The following SCD variants were observed in gnomAD, a reference collection of about 807,000 sequenced individuals.
SCD encodes the protein acyl-CoA desaturase.
In SCD, 4 loss-of-function variants were observed where a neutral mutation model predicts 35.7. That is an observed-to-expected ratio of 0.11 (90% CI 0.06 to 0.26). SCD has a LOEUF of 0.26. Among genes scored for constraint, SCD ranks in the 10% least tolerant of loss-of-function variants. SCD has a pLI of 1.00. For missense variants in SCD, 282 were observed against 460.7 expected, an observed-to-expected ratio of 0.61 and a Z score of 3.55; for synonymous variants, 150 against 170.2, an observed-to-expected ratio of 0.88 and a Z score of 0.92.
intron 4 of SCD, among the ~76,000 whole-genome samples, chr10:100,355,260 G>T (rs1589699203): frequency 2.6e-5 from 4 of 152,278 alleles, no homozygotes. Flanking sequence ...GGTACAAAGG[G>T]GAGGGAGATT....
At chr10:100,353,652 GTC>G in intron 3 of SCD, among the ~76,000 whole-genome samples, 1 of 151,980 alleles carries the variant, frequency 6.6e-6, no homozygotes, top group South Asian at 2.1e-4. Context: ...ATGCATCATA[GTC>G]ATTAAGCTGT....
rs1206277981 is a variant in SCD at position 100,363,235 on chromosome 10, C to G, written c.*2302C>G. On this transcript the variant is annotated 3_prime_UTR_variant, in exon 6 of 6. Transcript: ENST00000370355. ...ATAGAAGTCTGGAAAAAAACAAAAA[C>G]AGAATTTGAGAACCTTGGACCACTC... The G allele has an allele frequency of 6.6e-6, 1 of 152,304 alleles. No homozygotes were observed. The highest frequency in any genetic ancestry group is 1.5e-5 in the Non-Finnish European group (1 of 68,140). The allele number at this position is 152,304 out of a possible 1,614,324, so 9.4% of individuals were successfully genotyped here.
At position 100,364,391 on chromosome 10, in the gene SCD, T is replaced by G. The variant is rs1850020166; in HGVS notation, c.*3458T>G. The G allele has an allele frequency of 6.6e-6, 1 of 152,650 alleles. No individual in the cohort carries two copies. Among genetic ancestry groups the G allele is most frequent in the South Asian group, 2.1e-4 (1 of 4,832 alleles). The allele number at this position is 152,650 out of a possible 1,614,324, so 9.5% of individuals were successfully genotyped here. A position where few individuals can be genotyped will look rare whatever the true frequency, so the allele number is the denominator to read the frequency against. ...TCTGTTAAAATGGGGATAATAATACTGACCTACCTCAAAGGGCAGTTTTGA... is the reference window on the plus strand; with the variant it reads ...TCTGTTAAAATGGGGATAATAATACGGACCTACCTCAAAGGGCAGTTTTGA... On this transcript the variant is annotated 3_prime_UTR_variant, in exon 6 of 6. Transcript: ENST00000370355.
At chr10:100,354,244 T>C (rs1849902572) in intron 3 of SCD, among the ~76,000 whole-genome samples, 183 bp from the exon 4 acceptor site, 1 of 152,266 alleles carries the variant, frequency 6.6e-6, no homozygotes, top group South Asian at 2.1e-4. Flanking sequence ...TTTTTTCTAC[T>C]TAAGCTTCAG....
chr10:100,360,894 G>A lies in SCD; in HGVS notation c.1041G>A (p.Arg347=). Residue 347 remains arginine, a synonymous_variant, in exon 6 of 6, where the codon AGG becomes AGA. Coordinates refer to ENST00000370355, the MANE Select transcript of SCD (RefSeq NM_005063.5). ...TCTCCAAGGCCGCCATCTTGGCCAGGATTAAAAGAACCGGAGATGGAAACT... is the reference window on the plus strand; with the variant it reads ...TCTCCAAGGCCGCCATCTTGGCCAGAATTAAAAGAACCGGAGATGGAAACT... ...KKVSKAAILA[R]IKRTGDGNYK... 6.2e-7 allele frequency: 1 copy of A among 1,613,972 alleles called. No individual in the cohort carries two copies. Among genetic ancestry groups the A allele is most frequent in the Non-Finnish European group, 8.5e-7 (1 of 1,179,862 alleles).
At chr10:100,354,700 C>G in intron 4 of SCD, 68 bp downstream of exon 4, 1 of 1,222,310 alleles carries the variant, frequency 8.2e-7, no homozygotes, top group South Asian at 1.3e-5. Flanking sequence ...CCCATTTTTT[C>G]TCCTGAGACT....
At chr10:100,351,999 A>T (rs1849877136) in intron 2 of SCD, among the ~76,000 whole-genome samples, 1 of 152,080 alleles carries the variant, frequency 6.6e-6, no homozygotes, top group Non-Finnish European at 1.5e-5. Context: ...CTGCAGGAGT[A>T]GTTTGTGGCC....
At chr10:100,349,548 G>T (rs896661376) in intron 2 of SCD, among the ~76,000 whole-genome samples, 1 of 152,180 alleles carries the variant, frequency 6.6e-6, no homozygotes, top group African/African-American at 2.4e-5. Flanking sequence ...GGTTCATTGA[G>T]CTTTTGTTTC....
chr10:100,350,784 CT>C (rs1321474004), intron 2 of SCD, among the ~76,000 whole-genome samples: 1 of 152,166 alleles, frequency 6.6e-6, no homozygotes, highest in Non-Finnish European at 1.5e-5. Context: ...TCTGGCTCAA[CT>C]GATGGTTTCC....
Position 100,360,844 on chromosome 10 carries a change from G to A in SCD, c.991G>A (p.Gly331Ser), listed in dbSNP as rs201613017. Residue 331 changes from glycine (G) to serine (S), a missense_variant, in exon 6 of 6, where the codon GGT (glycine) becomes AGT (serine). By Grantham distance (56) the Gly-to-Ser change is moderately conservative (BLOSUM62 0). Around this residue, in one of 2 missense-constraint regions of SCD, gnomAD observed 205 missense variants for 372.3 expected, o/e 0.55. Transcript: ENST00000370355. The stretch of plus-strand genomic sequence containing the variant: ...CTTCATTGATTGCATGGCCGCCCTC[G>A]GTCTGGCCTATGACCGGAAGAAAGT... ...TFFIDCMAAL[G>S]LAYDRKKVSK... is the part of the protein sequence containing the mutation. The A allele has an allele frequency of 6.2e-6, 10 of 1,613,812 alleles. No homozygotes were observed. The highest frequency in any genetic ancestry group is 1.6e-4 in the Middle Eastern group (1 of 6,078).
At position 100,360,812 on chromosome 10, in the gene SCD, C is replaced by T; in HGVS notation, c.959C>T (p.Thr320Ile). ...ASEYRWHINF[T>I]TFFIDCMAAL... Reference sequence around the variant, plus strand: ...GAGTACCGCTGGCACATCAACTTCACCACATTCTTCATTGATTGCATGGCC... The same window carrying T: ...GAGTACCGCTGGCACATCAACTTCATCACATTCTTCATTGATTGCATGGCC... The change falls in exon 6 of 6, where the codon ACC (threonine) becomes ATC (isoleucine). Residue 320 changes from threonine to isoleucine, a missense_variant. By Grantham distance (89) the Thr-to-Ile change is moderately conservative. Around this residue, in one of 2 missense-constraint regions of SCD, gnomAD observed 205 missense variants for 372.3 expected, o/e 0.55. Coordinates refer to ENST00000370355, the MANE Select transcript of SCD (RefSeq NM_005063.5). 1 of 1,614,002 alleles carries T rather than the reference C, an allele frequency of 6.2e-7. No individual in the cohort carries two copies. Among genetic ancestry groups the T allele is most frequent in the Non-Finnish European group, 8.5e-7 (1 of 1,179,864 alleles).
In SCD at chr10:100,347,529, G is replaced by A. The variant is rs773956662; in HGVS notation, c.25G>A (p.Asp9Asn). 6 of 1,614,000 alleles carry A rather than the reference G, an allele frequency of 3.7e-6. No individual in the cohort carries two copies. The highest frequency in any genetic ancestry group is 1.7e-5 in the Admixed American group (1 of 60,016). The stretch of plus-strand genomic sequence containing the variant: ...GATGCCGGCCCACTTGCTGCAGGAC[G>A]ATGTGAGTTTCCCAGCCTGGCCCCG... MPAHLLQD[D>N]ISSSYTTTTT... is the part of the protein sequence containing the mutation. Residue 9 changes from aspartate (D) to asparagine (N), a missense_variant and splice_region_variant, in exon 1 of 6, where the codon GAT becomes AAT. Asp to Asn is a conservative substitution (Grantham distance 23, BLOSUM62 1). This residue lies in a region of SCD where 77 missense variants were observed against 88.4 expected (regional missense o/e 0.87). Coordinates refer to ENST00000370355, the MANE Select transcript of SCD (RefSeq NM_005063.5).
chr10:100,356,365 G>A lies in SCD; in HGVS notation c.648-167G>A, dbSNP rs560191304. ...CACTCCAGCCTTGGCAACAGAGTGA[G>A]ACCCTGTCAAAAAAAACAAACAAAA... On this transcript the variant is annotated intron_variant, in intron 4 of 5. Coordinates refer to ENST00000370355, the MANE Select transcript of SCD (RefSeq NM_005063.5). The surrounding 1 kb of genome is among the most constrained non-coding windows in gnomAD (Gnocchi z 4.1). Among the ~76,000 whole-genome samples, 5 of 152,248 alleles carry A rather than the reference G, an allele frequency of 3.3e-5. No homozygotes were observed. In the South Asian group the frequency reaches 1.0e-3, roughly 32 times the overall value.
Position 100,348,205 on chromosome 10 carries a change from C to T in SCD, c.169C>T (p.Pro57Ser), listed in dbSNP as rs752162596. Residue 57 changes from proline to serine, a missense_variant, in exon 2 of 6, where the codon CCC becomes TCC. Pro to Ser is a moderately conservative substitution (Grantham distance 74). Around this residue, in one of 2 missense-constraint regions of SCD, gnomAD observed 77 missense variants for 88.4 expected, o/e 0.87. Transcript: ENST00000370355. Reference sequence around the variant, plus strand: ...TGATATAAAAGATGATATATATGACCCCACCTACAAGGATAAGGAAGGCCC... The same window carrying T: ...TGATATAAAAGATGATATATATGACTCCACCTACAAGGATAAGGAAGGCCC... ...RPDIKDDIYDPTYKDKEGPSP... is the reference protein window; with the variant it reads ...RPDIKDDIYDSTYKDKEGPSP... 5.6e-6 allele frequency: 9 copies of T among 1,613,946 alleles called. No individual in the cohort carries two copies. In the East Asian group the frequency reaches 1.3e-4, roughly 24 times the overall value.
At chr10:100,354,279 G>A in intron 3 of SCD, 148 bp from the exon 4 acceptor site, 1 of 685,244 alleles carries the variant, frequency 1.5e-6, no homozygotes, top group East Asian at 2.7e-5. Flanking sequence ...AAGAAGGGAG[G>A]CAACTCCATG....
chr10:100,347,983 C>G (rs544251598), intron 1 of SCD, 81 bp from the exon 2 acceptor site: 77 of 1,404,692 alleles, frequency 5.5e-5, no homozygotes, highest in Non-Finnish European at 7.2e-5. Flanking sequence ...CACCCTTCCC[C>G]CAGCGTGATT....
At chr10:100,348,871 C>T (rs1849840060) in intron 2 of SCD, among the ~76,000 whole-genome samples, 1 of 152,178 alleles carries the variant, frequency 6.6e-6, no homozygotes, top group Non-Finnish European at 1.5e-5. Context: ...TTTGACCTGA[C>T]CCCTTGGCCA....
chr10:100,357,010 C>T lies in SCD; in HGVS notation c.880+246C>T, dbSNP rs141989795. On this transcript the variant is annotated intron_variant, in intron 5 of 5. Coordinates refer to ENST00000370355, the MANE Select transcript of SCD (RefSeq NM_005063.5). ...CTGATTTTGATTCCAGGTTCTAAAA[C>T]AATTTCCAAATGCCATGTATGCTCC... Among the ~76,000 whole-genome samples, 630 of 152,264 alleles carry T rather than the reference C, an allele frequency of 4.1e-3. 4 individuals are homozygous for T. Among genetic ancestry groups the T allele is most frequent in the African/African-American group, 0.013 (529 of 41,538 alleles).
At chr10:100,348,445 C>G (rs1434136912) in intron 2 of SCD, 99 bp downstream of exon 2, 32 of 1,246,920 alleles carry the variant, frequency 2.6e-5, no homozygotes, top group Admixed American at 4.4e-5. Flanking sequence ...CTCCCAGCCT[C>G]CCGGTTGGGG....
Sources: gnomAD v4.1 joint callset for allele counts (sites outside exome capture counted in the v4.1 genomes callset) on GRCh38, gnomAD v4.1.1 for gene constraint, gnomAD v4.1.1 regional missense constraint, Gnocchi (gnomAD v3.1) non-coding constraint, MANE v1.5 for transcripts, NCBI Gene and HGNC (gene_info 2026-07-23, HGNC 2026-07-21) for gene names.